Variants in CLYBL observed in about 807,000 individuals in gnomAD.
CLYBL encodes citramalyl-CoA lyase.
CLYBL carries 31 observed loss-of-function variants against 38.9 expected under a neutral mutation model. That is an observed-to-expected ratio of 0.80 (90% CI 0.60 to 1.08). The LOEUF is 1.08. CLYBL is among the 50% of genes least tolerant of loss of function. The pLI, the probability that CLYBL is intolerant of heterozygous loss-of-function variation, is 0.00. For synonymous variants in CLYBL, 171 were observed against 158.6 expected (o/e 1.08, Z -0.59); for missense variants, 434 against 411.6 (o/e 1.05, Z -0.47).
At chr13:99,832,042 G>C (rs752365245) in intron 2 of CLYBL, among the ~76,000 whole-genome samples, 1 of 152,204 alleles carries the variant, frequency 6.6e-6, no homozygotes, top group African/African-American at 2.4e-5. Context: ...GTTAGAATAT[G>C]ATGTTAATGA....
chr13:99,773,082 C>A, intron 2 of CLYBL, 72 bp downstream of exon 2: 2 of 1,291,914 alleles, frequency 1.5e-6, no homozygotes, highest in Non-Finnish European at 1.1e-6. Flanking sequence ...AGTGACATTG[C>A]CCGCTATTTG....
chr13:99,819,420 A>T (rs59323507), intron 2 of CLYBL, among the ~76,000 whole-genome samples: 40 of 8,394 alleles, frequency 4.8e-3, no homozygotes, highest in African/African-American at 0.034. Context: ...AAAAATTTAT[A>T]TATATATATA....
chr13:99,850,843 T>C (rs967030195), intron 2 of CLYBL, among the ~76,000 whole-genome samples: 6 of 152,140 alleles, frequency 3.9e-5, no homozygotes, highest in African/African-American at 1.2e-4. Flanking sequence ...TATTCAGCCA[T>C]AAAAAGGAAT....
chr13:99,764,051 A>T lies in CLYBL; in HGVS notation c.63-8773A>T, dbSNP rs533654805. Among the ~76,000 whole-genome samples the T allele has an allele frequency of 2.5e-3, 384 of 151,002 alleles. 2 individuals carry two copies. Among genetic ancestry groups the T allele is most frequent in the Non-Finnish European group, 3.8e-3 (257 of 67,688 alleles). On this transcript the variant is annotated intron_variant, in intron 1 of 8. Transcript: ENST00000339105. ...TATTCATTCCTCTTCAAAAAAAAAA[A>T]TTTTTTTTTGAGACAGGGTCTTGCC...
intron 2 of CLYBL, among the ~76,000 whole-genome samples, chr13:99,811,094 GA>G (rs1423464244): frequency 6.6e-6 from 1 of 152,122 alleles, no homozygotes; most frequent in Non-Finnish European, 1.5e-5. Context: ...AGGCCCATTA[GA>G]ACCCCCAAAG....
intron 1 of CLYBL, among the ~76,000 whole-genome samples, chr13:99,664,144 GT>G (rs2139340837): frequency 6.6e-6 from 1 of 152,318 alleles, no homozygotes; most frequent in African/African-American, 2.4e-5. Context: ...TAAATCAGTG[GT>G]CATAGATGTG....
intron 1 of CLYBL, among the ~76,000 whole-genome samples, chr13:99,711,807 C>G (rs2048237899): frequency 1.3e-5 from 2 of 151,832 alleles, no homozygotes; most frequent in South Asian, 4.2e-4. Flanking sequence ...CCTTCACCTC[C>G]TGGGTTCAAG....
rs11407509 is a variant in CLYBL, at chr13:99,849,152, GA to G, written c.250-9699del. Among the ~76,000 whole-genome samples, 24 of 148,918 alleles carry G rather than the reference GA, an allele frequency of 1.6e-4. No individual in the cohort carries two copies. The highest frequency in any genetic ancestry group is 1.5e-3 in the South Asian group (7 of 4,704). The stretch of plus-strand genomic sequence containing the variant: ...GACTCCATCTCAAAAAAAGAAAAAA[GA>G]AAAAAAAAACACTATTGAGAAAGAC... On this transcript the variant is annotated intron_variant, in intron 2 of 8. Transcript: ENST00000339105. The surrounding 1 kb of genome is among the most constrained non-coding windows in gnomAD (Gnocchi z 4.9).
At chr13:99,661,328 CTAG>C (rs1200055816) in intron 1 of CLYBL, among the ~76,000 whole-genome samples, 1 of 152,120 alleles carries the variant, frequency 6.6e-6, no homozygotes, top group Non-Finnish European at 1.5e-5. Flanking sequence ...TGTAGTTACT[CTAG>C]TTTTTTTAGT....
rs180693456 is a variant in CLYBL, at chr13:99,854,244, T to C, written c.250-4617T>C. Among the ~76,000 whole-genome samples the C allele has an allele frequency of 3.3e-5, 5 of 152,218 alleles. No homozygotes were observed. In the East Asian group the frequency reaches 9.6e-4, roughly 29 times the overall value. Reference sequence around the variant, plus strand: ...CAACTATACATTAACATTCAAGGTTTGAGTCGGGGGCTGGGAGGCGAAGGG... The same window carrying C: ...CAACTATACATTAACATTCAAGGTTCGAGTCGGGGGCTGGGAGGCGAAGGG... On this transcript the variant is annotated intron_variant, in intron 2 of 8. Transcript: ENST00000339105.
intron 2 of CLYBL, among the ~76,000 whole-genome samples, chr13:99,853,137 A>G (rs1594223405): frequency 6.6e-6 from 1 of 150,790 alleles, no homozygotes; most frequent in South Asian, 2.1e-4. Flanking sequence ...TTTAAAAAAT[A>G]TTTTTAATTG....
At chr13:99,731,465 C>G (rs1402221337) in intron 1 of CLYBL, among the ~76,000 whole-genome samples, 2 of 149,114 alleles carry the variant, frequency 1.3e-5, no homozygotes, top group Non-Finnish European at 3.0e-5. Flanking sequence ...AAGACTCTGT[C>G]TCTACAAAAA....
chr13:99,713,219 C>A (rs1407985306), intron 1 of CLYBL, among the ~76,000 whole-genome samples: 1 of 151,896 alleles, frequency 6.6e-6, no homozygotes, highest in Non-Finnish European at 1.5e-5. Context: ...TCAAACTTTG[C>A]ATTGATGTAC....
chr13:99,780,482 G>A (rs955584663), intron 2 of CLYBL, among the ~76,000 whole-genome samples: 12 of 152,042 alleles, frequency 7.9e-5, no homozygotes, highest in South Asian at 2.1e-4. Flanking sequence ...CTGGGTTCAC[G>A]CCATTCTGCT....
At chr13:99,805,214 C>T (rs1405625988) in intron 2 of CLYBL, among the ~76,000 whole-genome samples, 2 of 152,118 alleles carry the variant, frequency 1.3e-5, no homozygotes, top group Admixed American at 1.3e-4. Context: ...AATATTGTTG[C>T]CATGAACATG....
chr13:99,681,734 G>GCC (rs2047737253), intron 1 of CLYBL, among the ~76,000 whole-genome samples: 1 of 151,626 alleles, frequency 6.6e-6, no homozygotes, highest in Non-Finnish European at 1.5e-5. Flanking sequence ...TTACAGGCAT[G>GCC]TGCCACGACG....
chr13:99,689,903 A>G (rs1443683521), intron 1 of CLYBL, among the ~76,000 whole-genome samples: 1 of 152,242 alleles, frequency 6.6e-6, no homozygotes, highest in Non-Finnish European at 1.5e-5. Flanking sequence ...ACAAGTTAAA[A>G]TAGCCCAGGA....
intron 8 of CLYBL, chr13:99,891,677 G>A (rs985912392): frequency 5.9e-6 from 2 of 339,624 alleles, no homozygotes; most frequent in African/African-American, 2.1e-5. Flanking sequence ...TTCACAGGGA[G>A]GTAAGATCCT....
intron 1 of CLYBL, among the ~76,000 whole-genome samples, chr13:99,743,966 C>CTTTTTTTTTTTTTTTTTTT (rs1162079530): frequency 1.6e-4 from 11 of 69,182 alleles, no homozygotes; most frequent in Admixed American, 2.1e-4. Context: ...TCTCTTCTTT[C>CTTTTTTTTTTTTTTTTTTT]TTTTTTTTTT....
Sources: gnomAD v4.1 joint callset for allele counts (sites outside exome capture counted in the v4.1 genomes callset) on GRCh38, gnomAD v4.1.1 for gene constraint, Gnocchi (gnomAD v3.1) non-coding constraint, MANE v1.5 for transcripts, NCBI Gene and HGNC (gene_info 2026-07-23, HGNC 2026-07-21) for gene names.